The following ADGRV1 variants were observed in gnomAD, a reference collection of about 807,000 sequenced individuals.
ADGRV1 encodes the protein G-protein coupled receptor 98.
Under a neutral mutation model 596.2 loss-of-function variants are expected in ADGRV1, and 359 were observed. The observed-to-expected ratio is 0.60, with a 90% CI of 0.55 to 0.66. The LOEUF is 0.66. ADGRV1 is among the 30% of genes least tolerant of loss of function. The pLI, the probability that ADGRV1 is intolerant of heterozygous loss-of-function variation, is 0.00. For missense variants in ADGRV1, 7,274 were observed against 7,575.6 expected (o/e 0.96, Z 1.48); for synonymous variants, 2,681 against 2,679.2 (o/e 1.00, Z -0.02).
chr5:90,906,819 GTTGT>G (rs1289121621), intron 83 of ADGRV1, among the ~76,000 whole-genome samples: 1 of 152,172 alleles, frequency 6.6e-6, no homozygotes, highest in African/African-American at 2.4e-5. Flanking sequence ...GCATCATTAG[GTTGT>G]TTATTTGAAT....
At chr5:90,750,837 G>C in intron 53 of ADGRV1, 140 bp downstream of exon 53, 1 of 582,970 alleles carries the variant, frequency 1.7e-6, no homozygotes, top group Admixed American at 2.9e-5. Flanking sequence ...TGTAGAGAGG[G>C]ATACAATTTA....
chr5:90,656,123 G>C (rs907016219), intron 20 of ADGRV1, among the ~76,000 whole-genome samples: 1 of 152,152 alleles, frequency 6.6e-6, no homozygotes, highest in Admixed American at 6.5e-5. Flanking sequence ...TGTAACTTAA[G>C]TAGTTAACAC....
intron 34 of ADGRV1, 24 bp from the exon 35 acceptor site, chr5:90,703,641 T>C: frequency 6.5e-7 from 1 of 1,549,498 alleles, no homozygotes; most frequent in South Asian, 1.2e-5. Context: ...TAAGTATTTA[T>C]CAATTTACAC....
intron 89 of ADGRV1, among the ~76,000 whole-genome samples, chr5:91,154,725 G>A (rs531455854): frequency 3.9e-5 from 6 of 152,174 alleles, no homozygotes; most frequent in African/African-American, 9.7e-5. Context: ...CAATCATGGC[G>A]GAAGGCAAAG....
chr5:90,684,152 A>G lies in ADGRV1; in HGVS notation c.6231A>G (p.Glu2077=), dbSNP rs778745665. Residue 2077 remains glutamate, a synonymous_variant, in exon 28 of 90, where the codon GAA becomes GAG. Coordinates refer to ENST00000405460, the MANE Select transcript of ADGRV1 (RefSeq NM_032119.4). ...EPERSESVFI[E]LLNSTLVAKV... ...AAAGGTCCGAATCTGTCTTTATCGA[A>G]CTACTCAACTCTACTTTAGTAGCGA... The G allele has an allele frequency of 2.5e-6, 4 of 1,613,690 alleles. No individual in the cohort carries two copies. The highest frequency in any genetic ancestry group is 1.7e-5 in the Admixed American group (1 of 59,996).
intron 58 of ADGRV1, among the ~76,000 whole-genome samples, chr5:90,762,007 A>T (rs1260724265): frequency 6.6e-6 from 1 of 152,228 alleles, no homozygotes; most frequent in African/African-American, 2.4e-5. Flanking sequence ...TTAGATTCAC[A>T]GCTGAGGTAC....
intron 85 of ADGRV1, among the ~76,000 whole-genome samples, chr5:91,036,919 G>A (rs1270451095): frequency 6.6e-6 from 1 of 152,124 alleles, no homozygotes; most frequent in East Asian, 1.9e-4. Context: ...ATACAACTTA[G>A]ATGACCTTTT....
intron 21 of ADGRV1, among the ~76,000 whole-genome samples, chr5:90,668,171 A>C (rs10805870): frequency 0.42 from 63,171 of 151,190 alleles, 13,381 homozygotes; most frequent in Admixed American, 0.5. Flanking sequence ...TTGTTTACCT[A>C]AGCAAGCCTG....
chr5:91,110,616 A>G (rs1199325295), intron 87 of ADGRV1, among the ~76,000 whole-genome samples: 1 of 152,194 alleles, frequency 6.6e-6, no homozygotes, highest in Non-Finnish European at 1.5e-5. Context: ...TTAGAATTTT[A>G]CTGACAATTT....
intron 70 of ADGRV1, among the ~76,000 whole-genome samples, chr5:90,796,822 A>T (rs943559945): frequency 9.9e-5 from 15 of 152,140 alleles, no homozygotes; most frequent in African/African-American, 3.1e-4. Context: ...AATATTCAAC[A>T]TTCTTAAAGA....
intron 68 of ADGRV1, among the ~76,000 whole-genome samples, chr5:90,789,470 T>C (rs1759836058): frequency 6.6e-6 from 1 of 152,174 alleles, no homozygotes; most frequent in African/African-American, 2.4e-5. Flanking sequence ...AAATGGGAGT[T>C]TTCTGGATTC....
At chr5:90,801,450 C>G (rs1015834730) in intron 70 of ADGRV1, among the ~76,000 whole-genome samples, 4 of 151,770 alleles carry the variant, frequency 2.6e-5, no homozygotes, top group African/African-American at 9.7e-5. Context: ...AGCTGCCCAG[C>G]CAGTGACTTT....
intron 77 of ADGRV1, among the ~76,000 whole-genome samples, chr5:90,833,976 A>T (rs1764740385): frequency 6.6e-6 from 1 of 152,220 alleles, no homozygotes; most frequent in East Asian, 1.9e-4. Flanking sequence ...CAGATTGCAT[A>T]AACATACAAG....
At chr5:90,978,057 G>C (rs1779763949) in intron 84 of ADGRV1, among the ~76,000 whole-genome samples, 1 of 152,050 alleles carries the variant, frequency 6.6e-6, no homozygotes, top group South Asian at 2.1e-4. Context: ...AGCACTTTGG[G>C]AGGCCGAGGT....
At chr5:90,753,485 T>C (rs1755489669) in intron 53 of ADGRV1, 89 bp from the exon 54 acceptor site, 1 of 940,384 alleles carries the variant, frequency 1.1e-6, no homozygotes, top group Non-Finnish European at 1.6e-6. Flanking sequence ...AAGTTATAGG[T>C]TTAATAAAAG....
chr5:90,979,624 G>C lies in ADGRV1; in HGVS notation c.17974-5720G>C, dbSNP rs149416392. On this transcript the variant is annotated intron_variant, in intron 84 of 89. Coordinates refer to ENST00000405460, the MANE Select transcript of ADGRV1 (RefSeq NM_032119.4). The stretch of plus-strand genomic sequence containing the variant: ...CTCAGTTTCCTTATAAGAGGGCATG[G>C]TAAGATGACTTGTAAGATCTGTGTT... 1.6e-3 allele frequency among the ~76,000 whole-genome samples: 249 copies of C among 152,252 alleles called. 1 individual carries two copies. The highest frequency in any genetic ancestry group is 5.7e-3 in the African/African-American group (235 of 41,556).
At chr5:90,560,349 T>C (rs1754654218) in intron 1 of ADGRV1, among the ~76,000 whole-genome samples, 1 of 152,138 alleles carries the variant, frequency 6.6e-6, no homozygotes, top group South Asian at 2.1e-4. Context: ...TGAATAAATA[T>C]AGCAGTCACT....
chr5:90,678,429 C>A lies in ADGRV1; in HGVS notation c.5444-1120C>A, dbSNP rs548378808. Among the ~76,000 whole-genome samples, 4 of 151,308 alleles carry A rather than the reference C, an allele frequency of 2.6e-5. 1 individual carries two copies. The South Asian group carries it at 8.4e-4, about 32-fold the overall frequency. Reference sequence around the variant, plus strand: ...CTTTCTCTTTATTATTGCCAAAGTACTTTATATTTTATATTTTGATGATAT... The same window carrying A: ...CTTTCTCTTTATTATTGCCAAAGTAATTTATATTTTATATTTTGATGATAT... On this transcript the variant is annotated intron_variant, in intron 25 of 89. Coordinates refer to ENST00000405460, the MANE Select transcript of ADGRV1 (RefSeq NM_032119.4).
rs768314677 is a variant in ADGRV1 at position 91,102,237 on chromosome 5, A to G, written c.18329A>G (p.Tyr6110Cys). Reference sequence around the variant, plus strand: ...TTTCTAGAAATTCCACTGATTTTATATCTCTTTGCTCTGATTTCCGTGACA... The same window carrying G: ...TTTCTAGAAATTCCACTGATTTTATGTCTCTTTGCTCTGATTTCCGTGACA... ...TNAAEIPLIL[Y>C]LFALISVTWL... Residue 6110 changes from tyrosine to cysteine, a missense_variant, in exon 87 of 90, where the codon TAT becomes TGT. This residue lies in a region of ADGRV1 where 1,874 missense variants were observed against 1,970.2 expected (regional missense o/e 0.95). Transcript: ENST00000405460. 1.2e-6 allele frequency: 2 copies of G among 1,609,054 alleles called. No individual in the cohort carries two copies. The highest frequency in any genetic ancestry group is 2.2e-5 in the South Asian group (2 of 90,310).
Sources: gnomAD v4.1 joint callset for allele counts (sites outside exome capture counted in the v4.1 genomes callset) on GRCh38, gnomAD v4.1.1 for gene constraint, gnomAD v4.1.1 regional missense constraint, MANE v1.5 for transcripts, NCBI Gene and HGNC (gene_info 2026-07-23, HGNC 2026-07-21) for gene names.